The following MEAK7 variants were observed in gnomAD, a reference collection of about 807,000 sequenced individuals.
MEAK7 encodes the protein MTOR-associated protein MEAK7.
MEAK7 carries 68 observed loss-of-function variants against 40.5 expected under a neutral mutation model. The observed-to-expected ratio is 1.68, with a 90% CI of 1.38 to 2.06. MEAK7 has a LOEUF of 2.06. MEAK7 is among the 30% of genes most tolerant of loss of function. MEAK7 has a pLI of 0.00. For missense variants in MEAK7, 918 were observed against 580.5 expected (o/e 1.58, Z -5.98); for synonymous variants, 338 against 231.9 (o/e 1.46, Z -4.16).
rs113144559 is a variant in MEAK7, at chr16:84,489,458, C to G, written c.385-36G>C. ...ACAATTTTACCATTAAAAACAGTTC[C>G]ACCATATCCTGAGACCTATGTCATG... is the stretch of plus-strand genomic sequence containing the variant. On this transcript the variant is annotated intron_variant, in intron 3 of 7. Coordinates refer to ENST00000343629, the MANE Select transcript of MEAK7 (RefSeq NM_020947.4). The G allele has an allele frequency of 1.2e-4, 192 of 1,577,924 alleles. No homozygotes were observed. In the African/African-American group the frequency reaches 2.4e-3, roughly 20 times the overall value.
intron 1 of MEAK7, among the ~76,000 whole-genome samples, chr16:84,503,132 C>A (rs890244147): frequency 6.6e-6 from 1 of 152,156 alleles, no homozygotes; most frequent in Non-Finnish European, 1.5e-5. Flanking sequence ...CTGGGCCACA[C>A]TGGAAGAACT....
intron 6 of MEAK7, among the ~76,000 whole-genome samples, chr16:84,482,261 C>T (rs144423850): frequency 2.0e-5 from 3 of 152,342 alleles, no homozygotes; most frequent in Non-Finnish European, 2.9e-5. Flanking sequence ...AGGCCAGCGA[C>T]GCGCAGGGAC....
In MEAK7 at chr16:84,489,398, C is replaced by A. The variant is rs187928329; in HGVS notation, c.409G>T (p.Val137Leu). Residue 137 changes from valine to leucine, a missense_variant, in exon 4 of 8, where the codon GTG becomes TTG. Coordinates refer to ENST00000343629, the MANE Select transcript of MEAK7 (RefSeq NM_020947.4). ...QKFTEDLVGSVVHVLSHRQEL... is the reference protein window; with the variant it reads ...QKFTEDLVGSLVHVLSHRQEL... ...TGTCTGTGGCTTAGCACGTGCACCA[C>A]AGAGCCAACCAGATCCTCTGTAAAC... 9 of 1,612,808 alleles carry A rather than the reference C, an allele frequency of 5.6e-6. No individual in the cohort carries two copies. Among genetic ancestry groups the A allele is most frequent in the South Asian group, 1.1e-5 (1 of 90,868 alleles).
chr16:84,480,407 C>CTT, intron 7 of MEAK7, 122 bp downstream of exon 7: 1 of 1,200,282 alleles, frequency 8.3e-7, no homozygotes, highest in Non-Finnish European at 1.1e-6. Context: ...CATCAGCTAC[C>CTT]AGGATCAAAT....
At chr16:84,502,022 T>A (rs1914544552) in intron 1 of MEAK7, among the ~76,000 whole-genome samples, 1 of 152,026 alleles carries the variant, frequency 6.6e-6, no homozygotes, top group Non-Finnish European at 1.5e-5. Flanking sequence ...TGCATGCCTG[T>A]AATCCCAGCT....
At chr16:84,485,149 G>A (rs575143928) in intron 5 of MEAK7, among the ~76,000 whole-genome samples, 1 of 152,200 alleles carries the variant, frequency 6.6e-6, no homozygotes, top group Non-Finnish European at 1.5e-5. Context: ...GCAGGGCAAG[G>A]TGGGTGTGCA....
At position 84,476,445 on chromosome 16, in the gene MEAK7, G is replaced by T. The variant is rs909865968; in HGVS notation, c.*3468C>A. On this transcript the variant is annotated 3_prime_UTR_variant, in exon 8 of 8. Coordinates refer to ENST00000343629, the MANE Select transcript of MEAK7 (RefSeq NM_020947.4). Reference sequence around the variant, plus strand: ...ATTGAGTATAAATTGAGCTCAAGAGGTTTTTTTAATTCATCTATATCTAAA... The same window carrying T: ...ATTGAGTATAAATTGAGCTCAAGAGTTTTTTTTAATTCATCTATATCTAAA... 6.6e-6 allele frequency: 1 copy of T among 152,068 alleles called. No homozygotes were observed. Among genetic ancestry groups the T allele is most frequent in the Non-Finnish European group, 1.5e-5 (1 of 68,026 alleles). The allele number at this position is 152,068 out of a possible 1,614,324, so 9.4% of individuals were successfully genotyped here. A position where few individuals can be genotyped will look rare whatever the true frequency, so the allele number is the denominator to read the frequency against.
intron 2 of MEAK7, among the ~76,000 whole-genome samples, chr16:84,496,442 G>A (rs1006972773): frequency 1.3e-5 from 2 of 152,066 alleles, no homozygotes; most frequent in African/African-American, 4.8e-5. Context: ...CTGTACAGGG[G>A]AGCCTCTTCC....
Position 84,479,970 on chromosome 16 carries a change from C to A in MEAK7, c.1314G>T (p.Glu438Asp). ...CGCTGTGGCGCGAATGCCCACTGAT[C>A]TCCAGCAGGGCCTGGGCCTCAGGGT... ...DADPEAQALL[E>D]ISGHSRHSEG... is the part of the protein sequence containing the mutation. The change falls in exon 8 of 8, where the codon GAG becomes GAT. Residue 438 changes from glutamate to aspartate, a missense_variant. Glu to Asp is a conservative substitution (Grantham distance 45, BLOSUM62 2). Transcript: ENST00000343629. 6.2e-7 allele frequency: 1 copy of A among 1,609,754 alleles called. No individual in the cohort carries two copies. The highest frequency in any genetic ancestry group is 2.2e-5 in the East Asian group (1 of 44,660).
At chr16:84,501,314 G>C (rs1395446777) in intron 1 of MEAK7, among the ~76,000 whole-genome samples, 2 of 151,982 alleles carry the variant, frequency 1.3e-5, no homozygotes, top group African/African-American at 2.4e-5. Context: ...CGAGGCAAGG[G>C]TGGAACTCAG....
At chr16:84,492,586 T>TTTATTTATTTATTTAC (rs2150638926) in intron 3 of MEAK7, among the ~76,000 whole-genome samples, 1 of 151,490 alleles carries the variant, frequency 6.6e-6, no homozygotes, top group Non-Finnish European at 1.5e-5. Context: ...TATTTATTTA[T>TTTATTTATTTATTTAC]TTATTTATTT....
In MEAK7 at chr16:84,479,313, G is replaced by A. The variant is rs577510067; in HGVS notation, c.*600C>T. 2 of 152,342 alleles carry A rather than the reference G, an allele frequency of 1.3e-5. No individual in the cohort carries two copies. Among genetic ancestry groups the A allele is most frequent in the African/African-American group, 4.8e-5 (2 of 41,560 alleles). 9.4% of individuals were successfully genotyped at this position (152,342 alleles called of 1,614,324 possible). Reference sequence around the variant, plus strand: ...ACCATCAGGTACCACCTTCTAACAGGGATGGCCTGAGTGAGGCCATATGAA... The same window carrying A: ...ACCATCAGGTACCACCTTCTAACAGAGATGGCCTGAGTGAGGCCATATGAA... On this transcript the variant is annotated 3_prime_UTR_variant, in exon 8 of 8. Transcript: ENST00000343629.
At chr16:84,494,657 C>T in intron 3 of MEAK7, 2 of 333,444 alleles carry the variant, frequency 6.0e-6, no homozygotes, top group Non-Finnish European at 1.2e-5. Flanking sequence ...TGTTGTTTTT[C>T]TCTCTTCCTC....
At chr16:84,491,311 GC>G (rs1913576367) in intron 3 of MEAK7, among the ~76,000 whole-genome samples, 1 of 151,514 alleles carries the variant, frequency 6.6e-6, no homozygotes, top group Non-Finnish European at 1.5e-5. Context: ...GCCAAGGTGG[GC>G]AGATCATTTG....
chr16:84,488,338 C>G (rs1360561700), intron 4 of MEAK7: 1 of 152,120 alleles, frequency 6.6e-6, no homozygotes, highest in Non-Finnish European at 1.5e-5. Flanking sequence ...AACCTATTTT[C>G]AAGCTGTACT....
Position 84,479,811 on chromosome 16 carries a change from C to T in MEAK7, c.*102G>A, listed in dbSNP as rs750154611. 3.4e-4 allele frequency: 277 copies of T among 825,406 alleles called. No individual in the cohort carries two copies. The highest frequency in any genetic ancestry group is 4.5e-4 in the Non-Finnish European group (246 of 551,118). The allele number at this position is 825,406 out of a possible 1,614,324, so 51.1% of individuals were successfully genotyped here. Reference sequence around the variant, plus strand: ...CTACCAGGCTGTGACCCGTGCGGTACGCTATTACAGTTAAACCATGTGGGA... The same window carrying T: ...CTACCAGGCTGTGACCCGTGCGGTATGCTATTACAGTTAAACCATGTGGGA... On this transcript the variant is annotated 3_prime_UTR_variant, in exon 8 of 8. Transcript: ENST00000343629.
In MEAK7 at chr16:84,487,018, A is replaced by C. The variant is rs373310269; in HGVS notation, c.571T>G (p.Cys191Gly). ...CAGTCCTCGATCACAGCTCGGTCAC[A>C]GTCATAGTCCAGCCACTGGGGCCCC... ...LLGPQWLDYD[C>G]DRAVIEDWVF... The change falls in exon 5 of 8, where the codon TGT becomes GGT. Residue 191 changes from cysteine (C) to glycine (G), a missense_variant. Physicochemically the swap from Cys to Gly is radical, Grantham distance 159 (BLOSUM62 -3). Transcript: ENST00000343629. 7.4e-6 allele frequency: 12 copies of C among 1,613,814 alleles called. No individual in the cohort carries two copies. The highest frequency in any genetic ancestry group is 2.7e-5 in the African/African-American group (2 of 74,886).
In MEAK7 at chr16:84,489,261, C is replaced by T. The variant is rs422918; in HGVS notation, c.529+17G>A. ...CTACAGCAAAAGACCTGCATCACCG[C>T]GTCCACGCACACTTGCCTTGCAGCT... On this transcript the variant is annotated intron_variant, in intron 4 of 7. Transcript: ENST00000343629. The T allele has an allele frequency of 7.4e-6, 12 of 1,612,050 alleles. No homozygotes were observed. In the African/African-American group the frequency reaches 8.0e-5, roughly 11 times the overall value.
At chr16:84,498,680 G>C (rs1004990964) in intron 1 of MEAK7, among the ~76,000 whole-genome samples, 6 of 152,134 alleles carry the variant, frequency 3.9e-5, no homozygotes, top group African/African-American at 1.2e-4. Context: ...TTGTCACAAA[G>C]TCTGGGTTTG....
Sources: allele counts gnomAD v4.1 joint callset (sites outside exome capture counted in the v4.1 genomes callset), GRCh38; gene constraint gnomAD v4.1.1; transcripts MANE v1.5; gene names NCBI Gene and HGNC (gene_info 2026-07-23, HGNC 2026-07-21).